The following MPDZ variants were observed in gnomAD, a reference collection of about 807,000 sequenced individuals.
MPDZ encodes multiple PDZ domain crumbs cell polarity complex component, also known as multiple PDZ domain protein.
In MPDZ, 234 loss-of-function variants were observed where a neutral mutation model predicts 239.1. The ratio of observed to expected loss-of-function variants is 0.98; its 90% CI spans 0.88 to 1.09. The LOEUF is 1.09. Among genes scored for constraint, MPDZ ranks in the 50% least tolerant of loss-of-function variants. The pLI is 0.00. For synonymous variants in MPDZ, 1,048 were observed against 881.3 expected (o/e 1.19, Z -3.35); for missense variants, 3,175 against 2,510.0 (o/e 1.26, Z -5.66).
chr9:13,106,700 G>A lies in MPDZ; in HGVS notation c.*265C>T. The A allele has an allele frequency of 2.7e-6, 1 of 369,270 alleles. No homozygotes were observed. The highest frequency in any genetic ancestry group is 5.0e-6 in the Non-Finnish European group (1 of 200,498). The allele number at this position is 369,270 out of a possible 1,614,324, so 22.9% of individuals were successfully genotyped here. Reference sequence around the variant, plus strand: ...TTGCCCATGTGACTACAAAACATTAGATATCTCCACAAATAAAAACGAGAT... The same window carrying A: ...TTGCCCATGTGACTACAAAACATTAAATATCTCCACAAATAAAAACGAGAT... On this transcript the variant is annotated 3_prime_UTR_variant, in exon 47 of 47. Coordinates refer to ENST00000319217, the MANE Select transcript of MPDZ (RefSeq NM_001378778.1).
At chr9:13,149,877 C>G (rs1948920722) in intron 25 of MPDZ, among the ~76,000 whole-genome samples, 1 of 151,852 alleles carries the variant, frequency 6.6e-6, no homozygotes, top group Admixed American at 6.6e-5. Flanking sequence ...ATGAACACAG[C>G]ACTGAAAAGG....
At chr9:13,133,612 C>T (rs566117251) in intron 32 of MPDZ, among the ~76,000 whole-genome samples, 3 of 152,228 alleles carry the variant, frequency 2.0e-5, no homozygotes, top group African/African-American at 4.8e-5. Flanking sequence ...GTGCATCAGG[C>T]GGGTCTAATA....
intron 24 of MPDZ, among the ~76,000 whole-genome samples, chr9:13,151,367 C>G (rs1949145547): frequency 6.6e-6 from 1 of 152,016 alleles, no homozygotes; most frequent in South Asian, 2.1e-4. Context: ...CACCCATGTT[C>G]ACAATAGTCA....
intron 19 of MPDZ, among the ~76,000 whole-genome samples, chr9:13,180,620 C>A (rs2134375213): frequency 6.6e-6 from 1 of 152,224 alleles, no homozygotes. Context: ...ATTATTTCTG[C>A]ATTTTGTCAT....
chr9:13,126,814 G>C, intron 32 of MPDZ, 42 bp from the exon 33 acceptor site: 1 of 1,531,524 alleles, frequency 6.5e-7, no homozygotes, highest in Non-Finnish European at 9.0e-7. Context: ...ACTTGAAACA[G>C]ATTAATTTTA....
At chr9:13,234,597 T>C (rs1963448275) in intron 3 of MPDZ, among the ~76,000 whole-genome samples, 1 of 152,180 alleles carries the variant, frequency 6.6e-6, no homozygotes, top group Non-Finnish European at 1.5e-5. Flanking sequence ...TTATATCATT[T>C]AAAAGCTAAA....
At chr9:13,162,255 C>T (rs1323538770) in intron 23 of MPDZ, among the ~76,000 whole-genome samples, 4 of 136,500 alleles carry the variant, frequency 2.9e-5, no homozygotes, top group Admixed American at 1.5e-4. Flanking sequence ...CAGAGTGAGG[C>T]TCTGCCTCAA....
chr9:13,197,071 T>A (rs1955742588), intron 12 of MPDZ, among the ~76,000 whole-genome samples: 1 of 151,856 alleles, frequency 6.6e-6, no homozygotes, highest in Non-Finnish European at 1.5e-5. Context: ...ATCCAGGAGC[T>A]TTCATTCCAG....
Position 13,205,951 on chromosome 9 carries a change from G to C in MPDZ, c.1439C>G (p.Ala480Gly). Residue 480 changes from alanine (A) to glycine (G), a missense_variant, in exon 11 of 47, where the codon GCA (alanine) becomes GGA (glycine). Coordinates refer to ENST00000319217, the MANE Select transcript of MPDZ (RefSeq NM_001378778.1). ...LMSREDVTKD[A>G]DLSPVNASII... ...GCTGGCATTAACAGGAGACAAATCT[G>C]CATCTTTTGTGACGTCTTCCCTTGA... 1.2e-6 allele frequency: 2 copies of C among 1,607,526 alleles called. No individual in the cohort carries two copies. Among genetic ancestry groups the C allele is most frequent in the South Asian group, 2.2e-5 (2 of 89,256 alleles).
intron 1 of MPDZ, among the ~76,000 whole-genome samples, chr9:13,273,616 T>G (rs2139394383): frequency 6.6e-6 from 1 of 152,282 alleles, no homozygotes; most frequent in East Asian, 1.9e-4. Context: ...TCATTCTAGA[T>G]CAGCTCTGGC....
chr9:13,224,165 A>G (rs1959762519), intron 4 of MPDZ, among the ~76,000 whole-genome samples: 1 of 152,128 alleles, frequency 6.6e-6, no homozygotes. Context: ...GAATATTTCT[A>G]TAATACAACA....
chr9:13,184,680 T>G (rs1331434225), intron 18 of MPDZ, among the ~76,000 whole-genome samples: 1 of 151,984 alleles, frequency 6.6e-6, no homozygotes, highest in Non-Finnish European at 1.5e-5. Flanking sequence ...AACTAAGCCT[T>G]GTGTCATAGA....
intron 1 of MPDZ, among the ~76,000 whole-genome samples, chr9:13,253,253 G>C (rs908409393): frequency 1.4e-5 from 2 of 146,516 alleles, no homozygotes. Flanking sequence ...CCAGATGAGA[G>C]AGCTCTACTC....
rs75590705 is a variant in MPDZ, at chr9:13,251,832, T to C, written c.-57-1460A>G. ...CATCAACTCCATTTCAAATGTTAAA[T>C]TGTTTAACTACTGGCACTTGTTTTA... On this transcript the variant is annotated intron_variant, in intron 1 of 46. Transcript: ENST00000319217. Among the ~76,000 whole-genome samples the C allele has an allele frequency of 9.1e-3, 1,387 of 152,298 alleles. 25 individuals are homozygous for C. The highest frequency in any genetic ancestry group is 0.032 in the African/African-American group (1,323 of 41,564).
Position 13,106,520 on chromosome 9 carries a change from T to G in MPDZ, c.*445A>C, listed in dbSNP as rs1941490695. The G allele has an allele frequency of 6.6e-6, 1 of 152,356 alleles. No homozygotes were observed. The highest frequency in any genetic ancestry group is 1.5e-5 in the Non-Finnish European group (1 of 68,356). The allele number at this position is 152,356 out of a possible 1,614,324, so 9.4% of individuals were successfully genotyped here. On this transcript the variant is annotated 3_prime_UTR_variant, in exon 47 of 47. Transcript: ENST00000319217. ...TTTAGTTTGGGGTGGGGAGAGGAGG[T>G]AGATTGCCAAATTGAGGCATTTTTT... is the stretch of plus-strand genomic sequence containing the variant.
At chr9:13,130,623 C>T (rs1328792850) in intron 32 of MPDZ, among the ~76,000 whole-genome samples, 1 of 152,094 alleles carries the variant, frequency 6.6e-6, no homozygotes, top group Non-Finnish European at 1.5e-5. Context: ...AAAATGAAGA[C>T]ATTAATAGTA....
At chr9:13,215,592 A>C (rs1376745849) in intron 10 of MPDZ, among the ~76,000 whole-genome samples, 1 of 151,646 alleles carries the variant, frequency 6.6e-6, no homozygotes, top group Non-Finnish European at 1.5e-5. Context: ...AGGGAACAAC[A>C]GAAACTTAAG....
At chr9:13,107,931 T>C (rs1423169546) in intron 46 of MPDZ, among the ~76,000 whole-genome samples, 2 of 152,206 alleles carry the variant, frequency 1.3e-5, no homozygotes, top group Admixed American at 1.3e-4. Flanking sequence ...AAAAGGACTG[T>C]ATGACTCTTC....
intron 24 of MPDZ, among the ~76,000 whole-genome samples, chr9:13,153,986 A>G (rs1434096896): frequency 6.6e-6 from 1 of 152,126 alleles, no homozygotes; most frequent in East Asian, 1.9e-4. Context: ...AGTAAGTTAC[A>G]TATACTTTCA....
Sources: gnomAD v4.1 joint callset for allele counts (sites outside exome capture counted in the v4.1 genomes callset) on GRCh38, gnomAD v4.1.1 for gene constraint, MANE v1.5 for transcripts, NCBI Gene and HGNC (gene_info 2026-07-23, HGNC 2026-07-21) for gene names.